ARHGAP19: variants seen among roughly 807,000 people sequenced by gnomAD.
ARHGAP19 encodes the protein Rho GTPase activating protein 19.
In ARHGAP19, 48 loss-of-function variants were observed where a neutral mutation model predicts 60.9. The ratio of observed to expected loss-of-function variants is 0.79; its 90% confidence interval spans 0.62 to 1.00. ARHGAP19 has a LOEUF of 1.00. Ranked by LOEUF, ARHGAP19 falls within the 50% of genes least tolerant of loss-of-function variation. ARHGAP19 has a pLI of 0.00. For synonymous variants in ARHGAP19, 209 were observed against 215.5 expected (o/e 0.97, Z 0.27); for missense variants, 562 against 597.2 (o/e 0.94, Z 0.61).
intron 6 of ARHGAP19, among the ~76,000 whole-genome samples, chr10:97,246,561 T>C (rs945525293): frequency 5.3e-5 from 8 of 152,142 alleles, no homozygotes; most frequent in Non-Finnish European, 8.8e-5. Context: ...ACCAATGTAG[T>C]TGTTGCCACT....
In ARHGAP19 at chr10:97,259,384, C is replaced by T; in HGVS notation, c.840+18G>A. On this transcript the variant is annotated intron_variant, in intron 5 of 11. Transcript: ENST00000358531. ...CCAAGAAAACCAAGCAATCTTTACT[C>T]TTCCCGTCAACACTCACATTTTTTG... 3 of 1,595,826 alleles carry T rather than the reference C, an allele frequency of 1.9e-6. No homozygotes were observed. The South Asian group carries it at 3.3e-5, about 18-fold the overall frequency.
chr10:97,225,971 G>C lies in ARHGAP19; in HGVS notation c.*151C>G, dbSNP rs1212673509. On this transcript the variant is annotated 3_prime_UTR_variant, in exon 12 of 12. Transcript: ENST00000358531. ...AAACATCATCCAGTGAGTGGGGTTAGAGGTATCAGTCGGGTCACGGTATTA... is the reference window on the plus strand; with the variant it reads ...AAACATCATCCAGTGAGTGGGGTTACAGGTATCAGTCGGGTCACGGTATTA... The C allele has an allele frequency of 2.8e-6, 2 of 726,682 alleles. No homozygotes were observed. The highest frequency in any genetic ancestry group is 3.6e-5 in the African/African-American group (2 of 56,216). 45.0% of individuals were successfully genotyped at this position (726,682 alleles called of 1,614,324 possible). A position where few individuals can be genotyped will look rare whatever the true frequency, so the allele number is the denominator to read the frequency against.
chr10:97,227,027 G>A (rs1479787752), intron 11 of ARHGAP19, among the ~76,000 whole-genome samples: 1 of 152,158 alleles, frequency 6.6e-6, no homozygotes, highest in East Asian at 1.9e-4. Context: ...AGCATCGATG[G>A]GGTAAAGGCC....
At position 97,280,185 on chromosome 10, in the gene ARHGAP19, T is replaced by C. The variant is rs572474056; in HGVS notation, c.56+12387A>G. Among the ~76,000 whole-genome samples, 156 of 152,104 alleles carry C rather than the reference T, an allele frequency of 1.0e-3. 2 individuals are homozygous for C. The highest frequency in any genetic ancestry group is 1.9e-3 in the Non-Finnish European group (128 of 68,028). ...ACTTTAGGAGGCCGAGGTGGACAGA[T>C]CATTTGAGGTCAGGAGTTCAAGACC... On this transcript the variant is annotated intron_variant, in intron 1 of 11. Transcript: ENST00000358531.
chr10:97,245,595 C>CAAAAAAAAAAAAAAAAAAAA (rs397845381), intron 7 of ARHGAP19, among the ~76,000 whole-genome samples: 1 of 112,378 alleles, frequency 8.9e-6, no homozygotes, highest in African/African-American at 3.5e-5. Context: ...AACCCTATCT[C>CAAAAAAAAAAAAAAAAAAAA]AAAAAAAAAA....
At chr10:97,229,675 A>G in intron 10 of ARHGAP19, 89 bp downstream of exon 10, 1 of 967,168 alleles carries the variant, frequency 1.0e-6, no homozygotes, top group East Asian at 2.4e-5. Context: ...GCCCAAAGAA[A>G]CACAGTAAAA....
chr10:97,245,722 T>C (rs180946421), intron 7 of ARHGAP19, among the ~76,000 whole-genome samples: 3 of 152,148 alleles, frequency 2.0e-5, no homozygotes, highest in Admixed American at 6.5e-5. Context: ...AGTTTTGCCA[T>C]ACCAATGAAC....
intron 6 of ARHGAP19, among the ~76,000 whole-genome samples, chr10:97,254,062 A>G (rs1025065346): frequency 6.6e-6 from 1 of 152,202 alleles, no homozygotes; most frequent in Non-Finnish European, 1.5e-5. Flanking sequence ...TTATTGGATA[A>G]GATTGCTAAG....
In ARHGAP19 at chr10:97,224,245, G is replaced by A. The variant is rs2134792102; in HGVS notation, c.*1877C>T. The A allele has an allele frequency of 6.6e-6, 1 of 152,272 alleles. No individual in the cohort carries two copies. Among genetic ancestry groups the A allele is most frequent in the South Asian group, 2.1e-4 (1 of 4,824 alleles). The allele number at this position is 152,272 out of a possible 1,614,324, so 9.4% of individuals were successfully genotyped here. On this transcript the variant is annotated 3_prime_UTR_variant, in exon 12 of 12. Coordinates refer to ENST00000358531, the MANE Select transcript of ARHGAP19 (RefSeq NM_032900.6). ...ATAAAGGAAAGAAGGAAGAGTTAAG[G>A]AAGAATACCATTTCAATTTGGTGAT...
intron 8 of ARHGAP19, among the ~76,000 whole-genome samples, chr10:97,236,608 C>G (rs1411995879): frequency 6.6e-6 from 1 of 151,862 alleles, no homozygotes; most frequent in Non-Finnish European, 1.5e-5. Flanking sequence ...GTATCCAGAG[C>G]CTTTTTAAAA....
intron 5 of ARHGAP19, among the ~76,000 whole-genome samples, chr10:97,259,200 G>C (rs573985117): frequency 4.6e-5 from 7 of 152,208 alleles, no homozygotes; most frequent in African/African-American, 1.7e-4. Flanking sequence ...AGGTTTACCA[G>C]AGATTGATTT....
chr10:97,281,542 G>A (rs556672700), intron 1 of ARHGAP19, among the ~76,000 whole-genome samples: 2 of 152,220 alleles, frequency 1.3e-5, no homozygotes, highest in South Asian at 4.2e-4. Context: ...ACAAGAAATC[G>A]ATCACTTGTG....
intron 3 of ARHGAP19, 88 bp downstream of exon 3, chr10:97,264,738 G>A: frequency 1.1e-6 from 1 of 879,672 alleles, no homozygotes; most frequent in Non-Finnish European, 1.8e-6. Context: ...ATGGTTAATT[G>A]GCACCTACTA....
chr10:97,259,373 C>T (rs1199156555), intron 5 of ARHGAP19, 29 bp downstream of exon 5: 12 of 1,569,348 alleles, frequency 7.6e-6, no homozygotes, highest in African/African-American at 2.7e-5. Flanking sequence ...GAAAACCAAG[C>T]AATCTTTACT....
chr10:97,234,235 C>A (rs1851085628), intron 9 of ARHGAP19, among the ~76,000 whole-genome samples: 1 of 151,616 alleles, frequency 6.6e-6, no homozygotes, highest in African/African-American at 2.4e-5. Context: ...TTATTGCACT[C>A]CAGCCTGGGC....
chr10:97,230,804 G>A (rs564121109), intron 9 of ARHGAP19, among the ~76,000 whole-genome samples: 6 of 152,176 alleles, frequency 3.9e-5, no homozygotes, highest in East Asian at 3.9e-4. Context: ...GGTGGCTCAC[G>A]CCTGTAATCT....
At chr10:97,235,852 G>A (rs1407357623) in intron 8 of ARHGAP19, among the ~76,000 whole-genome samples, 6 of 152,142 alleles carry the variant, frequency 3.9e-5, no homozygotes, top group African/African-American at 7.2e-5. Flanking sequence ...AGTGGAAAAC[G>A]AGAAGACCCA....
chr10:97,240,468 A>G (rs1247879428), intron 8 of ARHGAP19, among the ~76,000 whole-genome samples: 2 of 152,316 alleles, frequency 1.3e-5, no homozygotes, highest in South Asian at 2.1e-4. Context: ...CCTGGCCAAT[A>G]TGGCATAATC....
chr10:97,247,787 G>A (rs1352318342), intron 6 of ARHGAP19, among the ~76,000 whole-genome samples: 1 of 152,068 alleles, frequency 6.6e-6, no homozygotes, highest in South Asian at 2.1e-4. Context: ...ACTGTTGAGT[G>A]AGAAAAGTGA....
Sources: allele counts gnomAD v4.1 joint callset (sites outside exome capture counted in the v4.1 genomes callset), GRCh38; gene constraint gnomAD v4.1.1; transcripts MANE v1.5; gene names NCBI Gene and HGNC (gene_info 2026-07-23, HGNC 2026-07-21).